NET1: variants seen among roughly 807,000 people sequenced by gnomAD.
NET1 encodes the protein neuroepithelial cell transforming 1, also known as neuroepithelial cell-transforming gene 1 protein.
In NET1, 42 loss-of-function variants were observed where a neutral mutation model predicts 61.1. That is an observed-to-expected ratio of 0.69 (90% CI 0.54 to 0.89). The LOEUF (loss-of-function observed/expected upper bound fraction) is 0.89, where lower values mean the gene tolerates loss of function less well. Ranked by LOEUF, NET1 falls within the 40% of genes least tolerant of loss-of-function variation. The pLI is 0.00. For synonymous variants in NET1, 254 were observed against 281.8 expected (o/e 0.90, Z 0.99); for missense variants, 654 against 747.3 (o/e 0.88, Z 1.46).
Position 5,420,602 on chromosome 10 carries a change from T to C in NET1, c.129-6053T>C, listed in dbSNP as rs188405882. Among the ~76,000 whole-genome samples the C allele has an allele frequency of 2.0e-4, 30 of 152,242 alleles. No individual in the cohort carries two copies. In the East Asian group the frequency reaches 2.7e-3, roughly 14 times the overall value. On this transcript the variant is annotated intron_variant, in intron 1 of 11. Coordinates refer to ENST00000355029, the MANE Select transcript of NET1 (RefSeq NM_001047160.3). The surrounding 1 kb of genome is among the most constrained non-coding windows in gnomAD (Gnocchi z 5.3). ...AGGTCTTTCTTTTTTATTTTATTTT[T>C]TTATTTATTTTTGAGATGGAGTCTT...
rs541481917 is a variant in NET1, at chr10:5,445,165, G to A, written c.256-6665G>A. Among the ~76,000 whole-genome samples the A allele has an allele frequency of 2.6e-5, 4 of 152,084 alleles. No individual in the cohort carries two copies. In the South Asian group the frequency reaches 6.2e-4, roughly 24 times the overall value. ...GTACATCCATCTGTTCCATCTTTAC[G>A]CACAGCCCGTGATCTCAGTGTGGGC... On this transcript the variant is annotated intron_variant, in intron 3 of 11. Transcript: ENST00000355029.
chr10:5,449,435 T>A lies in NET1; in HGVS notation c.256-2395T>A, dbSNP rs969031827. 6.6e-6 allele frequency among the ~76,000 whole-genome samples: 1 copy of A among 152,134 alleles called. No homozygotes were observed. Among genetic ancestry groups the A allele is most frequent in the Admixed American group, 6.6e-5 (1 of 15,266 alleles). On this transcript the variant is annotated intron_variant, in intron 3 of 11. Transcript: ENST00000355029. This position sits in a 1 kb window ranked among gnomAD's most constrained non-coding sequence, Gnocchi z 4.4. ...AAGACATCCTAGATTTGATAAACTC[T>A]GAAAAGCAGCATTTCCTTTGTGGAG...
rs1832745742 is a variant in NET1, at chr10:5,453,627, A to C, written c.768+67A>C. The C allele has an allele frequency of 3.0e-6, 4 of 1,349,972 alleles. No homozygotes were observed. In the Admixed American group the frequency reaches 6.7e-5, roughly 23 times the overall value. The allele number at this position is 1,349,972 out of a possible 1,614,324, so 83.6% of individuals were successfully genotyped here. ...ATGTGCCATGTTGCAGTTTCTGATGAATATGAGACAGATTTGATCCCACAA... is the reference window on the plus strand; with the variant it reads ...ATGTGCCATGTTGCAGTTTCTGATGCATATGAGACAGATTTGATCCCACAA... On this transcript the variant is annotated intron_variant, in intron 8 of 11. Coordinates refer to ENST00000355029, the MANE Select transcript of NET1 (RefSeq NM_001047160.3). This position sits in a 1 kb window ranked among gnomAD's most constrained non-coding sequence, Gnocchi z 4.9.
chr10:5,433,205 A>G (rs1322310511), intron 3 of NET1, among the ~76,000 whole-genome samples: 1 of 152,148 alleles, frequency 6.6e-6, no homozygotes, highest in Non-Finnish European at 1.5e-5. Flanking sequence ...GTAAATATAT[A>G]TTTAATTCTC....
rs1564462394 is a variant in NET1 at position 5,435,502 on chromosome 10, T to TAGATAGAC, written c.255+6280_255+6281insCAGATAGA. ...ATAGATAGATAGATAGATAGATAGA[T>TAGATAGAC]AGATAGATAGATAGATAGATAGATA... On this transcript the variant is annotated intron_variant, in intron 3 of 11. Transcript: ENST00000355029. The surrounding 1 kb of genome is among the most constrained non-coding windows in gnomAD (Gnocchi z 5.0). 1.8e-4 allele frequency among the ~76,000 whole-genome samples: 4 copies of TAGATAGAC among 22,610 alleles called. No individual in the cohort carries two copies. The highest frequency in any genetic ancestry group is 4.3e-4 in the African/African-American group (4 of 9,398). 14.8% of individuals were successfully genotyped at this position (22,610 alleles called of 152,430 possible). A position where few individuals can be genotyped will look rare whatever the true frequency, so the allele number is the denominator to read the frequency against.
rs1208287235 is a variant in NET1, at chr10:5,439,196, A to G, written c.255+9967A>G. ...GCCATTTCTCCCTTCACACAGAGTG[A>G]ACAACCAAGTGCATTACTGACACTG... is the stretch of plus-strand genomic sequence containing the variant. On this transcript the variant is annotated intron_variant, in intron 3 of 11. Coordinates refer to ENST00000355029, the MANE Select transcript of NET1 (RefSeq NM_001047160.3). The surrounding 1 kb of genome is among the most constrained non-coding windows in gnomAD (Gnocchi z 4.8). Among the ~76,000 whole-genome samples, 1 of 152,208 alleles carries G rather than the reference A, an allele frequency of 6.6e-6. No homozygotes were observed. Among genetic ancestry groups the G allele is most frequent in the Non-Finnish European group, 1.5e-5 (1 of 68,026 alleles).
At chr10:5,434,864 C>G (rs768148673) in intron 3 of NET1, among the ~76,000 whole-genome samples, 1 of 151,970 alleles carries the variant, frequency 6.6e-6, no homozygotes, top group Admixed American at 6.6e-5. Context: ...GAATGGTGGA[C>G]TGAGATTACC....
rs1832413346 is a variant in NET1, at chr10:5,435,490, T to TAGATAGATAGATAGATAGAC, written c.255+6280_255+6281insCAGATAGATAGATAGATAGA. Reference sequence around the variant, plus strand: ...TCCGTGCCTGAGATAGATAGATAGATAGATAGATAGATAGATAGATAGATA... The same window carrying TAGATAGATAGATAGATAGAC: ...TCCGTGCCTGAGATAGATAGATAGATAGATAGATAGATAGATAGACAGATAGATAGATAGATAGATAGATA... On this transcript the variant is annotated intron_variant, in intron 3 of 11. Transcript: ENST00000355029. This position sits in a 1 kb window ranked among gnomAD's most constrained non-coding sequence, Gnocchi z 5.0. Among the ~76,000 whole-genome samples, 1 of 6,778 alleles carries TAGATAGATAGATAGATAGAC rather than the reference T, an allele frequency of 1.5e-4. No homozygotes were observed. The allele number at this position is 6,778 out of a possible 152,430, so 4.4% of individuals were successfully genotyped here.
rs967998411 is a variant in NET1, at chr10:5,423,040, T to C, written c.129-3615T>C. On this transcript the variant is annotated intron_variant, in intron 1 of 11. Transcript: ENST00000355029. This position sits in a 1 kb window ranked among gnomAD's most constrained non-coding sequence, Gnocchi z 4.4. ...TTTACAGATTACATTTTTTATTTAA[T>C]TGGAAAAAATGTTATTTTTAGGATA... is the stretch of plus-strand genomic sequence containing the variant. 6.6e-6 allele frequency among the ~76,000 whole-genome samples: 1 copy of C among 152,194 alleles called. No homozygotes were observed. The highest frequency in any genetic ancestry group is 2.4e-5 in the African/African-American group (1 of 41,444).
chr10:5,452,831 C>T lies in NET1; in HGVS notation c.532-27C>T. Reference sequence around the variant, plus strand: ...TAATTTTCCTTTCTCGAAGGAATGACCTCTGATGTTTGCTGGATGTTTTTA... The same window carrying T: ...TAATTTTCCTTTCTCGAAGGAATGATCTCTGATGTTTGCTGGATGTTTTTA... On this transcript the variant is annotated intron_variant, in intron 5 of 11. Transcript: ENST00000355029. The surrounding 1 kb of genome is among the most constrained non-coding windows in gnomAD (Gnocchi z 4.0). 3 of 1,603,828 alleles carry T rather than the reference C, an allele frequency of 1.9e-6. No homozygotes were observed. The highest frequency in any genetic ancestry group is 2.6e-6 in the Non-Finnish European group (3 of 1,175,018).
At position 5,421,485 on chromosome 10, in the gene NET1, G is replaced by A. The variant is rs1353095081; in HGVS notation, c.129-5170G>A. Among the ~76,000 whole-genome samples the A allele has an allele frequency of 6.6e-6, 1 of 152,144 alleles. No homozygotes were observed. The highest frequency in any genetic ancestry group is 1.5e-5 in the Non-Finnish European group (1 of 68,022). On this transcript the variant is annotated intron_variant, in intron 1 of 11. Transcript: ENST00000355029. The surrounding 1 kb of genome is among the most constrained non-coding windows in gnomAD (Gnocchi z 4.2). ...TCCAGTAAAATTAATTGATGGATTT[G>A]TACAGTGGATATCCAGTTAAAGGTA... is the stretch of plus-strand genomic sequence containing the variant.
intron 2 of NET1, 103 bp from the exon 3 acceptor site, chr10:5,429,067 C>T (rs1233880525): frequency 7.0e-6 from 6 of 862,550 alleles, no homozygotes; most frequent in Non-Finnish European, 1.1e-5. Flanking sequence ...TAGCCAAAGG[C>T]TTAACTTTTT....
At position 5,424,477 on chromosome 10, in the gene NET1, C is replaced by CT. The variant is rs1387132615; in HGVS notation, c.129-2171dup. Among the ~76,000 whole-genome samples the CT allele has an allele frequency of 1.3e-5, 2 of 152,008 alleles. No individual in the cohort carries two copies. The highest frequency in any genetic ancestry group is 4.8e-5 in the African/African-American group (2 of 41,410). ...ACAAATTATAATTTATTTCAGATGA[C>CT]TTTTTTTGTTTAAATACTTTGTTCC... On this transcript the variant is annotated intron_variant, in intron 1 of 11. Transcript: ENST00000355029. The surrounding 1 kb of genome is among the most constrained non-coding windows in gnomAD (Gnocchi z 6.1).
rs1832493861 is a variant in NET1 at position 5,439,650 on chromosome 10, G to T, written c.255+10421G>T. Among the ~76,000 whole-genome samples, 1 of 152,210 alleles carries T rather than the reference G, an allele frequency of 6.6e-6. No individual in the cohort carries two copies. The highest frequency in any genetic ancestry group is 1.5e-5 in the Non-Finnish European group (1 of 68,034). Reference sequence around the variant, plus strand: ...TAACTAGGTCTGCCCCACACCTGGGGCTGCTTTTCAAACCGGAGTCATTTT... The same window carrying T: ...TAACTAGGTCTGCCCCACACCTGGGTCTGCTTTTCAAACCGGAGTCATTTT... On this transcript the variant is annotated intron_variant, in intron 3 of 11. Coordinates refer to ENST00000355029, the MANE Select transcript of NET1 (RefSeq NM_001047160.3). This position sits in a 1 kb window ranked among gnomAD's most constrained non-coding sequence, Gnocchi z 4.8.
rs1469227955 is a variant in NET1, at chr10:5,416,442, A to C, written c.128+3622A>C. On this transcript the variant is annotated intron_variant, in intron 1 of 11. Coordinates refer to ENST00000355029, the MANE Select transcript of NET1 (RefSeq NM_001047160.3). This position sits in a 1 kb window ranked among gnomAD's most constrained non-coding sequence, Gnocchi z 6.1. ...AATCGATTTTTACAAAGGAGTCCAC[A>C]GGGATTCTGATAGAGATTGCATTAA... Among the ~76,000 whole-genome samples, 2 of 152,214 alleles carry C rather than the reference A, an allele frequency of 1.3e-5. No individual in the cohort carries two copies. Among genetic ancestry groups the C allele is most frequent in the Non-Finnish European group, 2.9e-5 (2 of 68,030 alleles).
rs897753909 is a variant in NET1 at position 5,447,137 on chromosome 10, A to G, written c.256-4693A>G. Among the ~76,000 whole-genome samples the G allele has an allele frequency of 2.6e-5, 4 of 152,200 alleles. No homozygotes were observed. The highest frequency in any genetic ancestry group is 2.1e-4 in the South Asian group (1 of 4,826). On this transcript the variant is annotated intron_variant, in intron 3 of 11. Transcript: ENST00000355029. The surrounding 1 kb of genome is among the most constrained non-coding windows in gnomAD (Gnocchi z 4.1). ...TCGGGTTACGTTTGTCACATTTCTG[A>G]TGCTTAATATAATTGTTTTTTTAAC...
chr10:5,436,182 TGTGTTGTGTGTGTGTG>T (rs1424038331), intron 3 of NET1, among the ~76,000 whole-genome samples: 40 of 55,272 alleles, frequency 7.2e-4, no homozygotes, highest in South Asian at 3.2e-3. Context: ...TGTGTGTGTG[TGTGTTGTGTGTGTGTG>T]TGTGTGTGTG....
chr10:5,428,977 G>A (rs570859600), intron 2 of NET1, among the ~76,000 whole-genome samples, 193 bp from the exon 3 acceptor site: 9 of 150,180 alleles, frequency 6.0e-5, no homozygotes, highest in Admixed American at 2.7e-4. Context: ...CAGACGATCC[G>A]CCCTCCTCAG....
Position 5,437,285 on chromosome 10 carries a change from T to TATA in NET1, c.255+8057_255+8059dup, listed in dbSNP as rs1482958704. Among the ~76,000 whole-genome samples the TATA allele has an allele frequency of 6.6e-6, 1 of 152,214 alleles. No individual in the cohort carries two copies. The highest frequency in any genetic ancestry group is 6.5e-5 in the Admixed American group (1 of 15,280). ...TGACTACAGATATATGATTATCCTG[T>TATA]ATATATGCTATAGCTTGCTTTTTTT... On this transcript the variant is annotated intron_variant, in intron 3 of 11. Coordinates refer to ENST00000355029, the MANE Select transcript of NET1 (RefSeq NM_001047160.3). The surrounding 1 kb of genome is among the most constrained non-coding windows in gnomAD (Gnocchi z 4.3).
Sources: allele counts gnomAD v4.1 joint callset (sites outside exome capture counted in the v4.1 genomes callset), GRCh38; gene constraint gnomAD v4.1.1; non-coding constraint Gnocchi (gnomAD v3.1); transcripts MANE v1.5; gene names NCBI Gene and HGNC (gene_info 2026-07-23, HGNC 2026-07-21).